Variants in NIPAL2 observed in about 807,000 individuals in gnomAD.
The protein encoded by NIPAL2 is NIPA-like protein 2.
A neutral mutation model predicts 48.9 loss-of-function variants in NIPAL2; 43 were observed. That is an observed-to-expected ratio of 0.88 (90% CI 0.69 to 1.13). The LOEUF (loss-of-function observed/expected upper bound fraction) is 1.13, where lower values mean the gene tolerates loss of function less well. Ranked by LOEUF, NIPAL2 falls within the 50% of genes most tolerant of loss-of-function variation. The pLI is 0.00. For synonymous variants in NIPAL2, 167 were observed against 174.6 expected (o/e 0.96, Z 0.34); for missense variants, 446 against 461.4 (o/e 0.97, Z 0.31).
chr8:98,284,720 G>C (rs1273883852), intron 1 of NIPAL2, among the ~76,000 whole-genome samples: 1 of 152,080 alleles, frequency 6.6e-6, no homozygotes, highest in Non-Finnish European at 1.5e-5. Context: ...AAGACCCCCA[G>C]AATTCACAGG....
intron 5 of NIPAL2, among the ~76,000 whole-genome samples, chr8:98,219,336 G>T (rs1365500063): frequency 6.6e-6 from 1 of 152,176 alleles, no homozygotes. Flanking sequence ...TTTAGAAGAC[G>T]TTGGAAGAGT....
At chr8:98,226,122 G>T (rs957912672) in intron 4 of NIPAL2, among the ~76,000 whole-genome samples, 3 of 151,832 alleles carry the variant, frequency 2.0e-5, no homozygotes, top group African/African-American at 7.3e-5. Flanking sequence ...TCCTTCTCTG[G>T]GTTATCTTGC....
At position 98,194,945 on chromosome 8, in the gene NIPAL2, A is replaced by G. The variant is rs1000288881; in HGVS notation, c.945-123T>C. ...ATTGGTTTTGTTCTTCCAGTTTCTCATGGTAAGCTTCCTAGTACTTGTCTT... is the reference window on the plus strand; with the variant it reads ...ATTGGTTTTGTTCTTCCAGTTTCTCGTGGTAAGCTTCCTAGTACTTGTCTT... On this transcript the variant is annotated intron_variant, in intron 9 of 10. Transcript: ENST00000430223. 33 of 518,834 alleles carry G rather than the reference A, an allele frequency of 6.4e-5. No individual in the cohort carries two copies. The South Asian group carries it at 1.4e-3, about 23-fold the overall frequency. 32.1% of individuals were successfully genotyped at this position (518,834 alleles called of 1,614,324 possible).
chr8:98,201,424 AC>A (rs1314399094), intron 8 of NIPAL2, among the ~76,000 whole-genome samples: 11 of 152,086 alleles, frequency 7.2e-5, no homozygotes, highest in African/African-American at 2.4e-4. Context: ...CGGCTGTGTC[AC>A]CCAGGCTTGA....
chr8:98,210,358 G>C (rs1341128238), intron 6 of NIPAL2, among the ~76,000 whole-genome samples: 1 of 152,136 alleles, frequency 6.6e-6, no homozygotes, highest in East Asian at 1.9e-4. Flanking sequence ...ACTTTGCACA[G>C]CTGCAGTTTA....
intron 1 of NIPAL2, among the ~76,000 whole-genome samples, chr8:98,280,900 A>G (rs1165519416): frequency 6.6e-6 from 1 of 151,410 alleles, no homozygotes; most frequent in Non-Finnish European, 1.5e-5. Flanking sequence ...TAGGTTTAAA[A>G]TTTTCCAAGC....
intron 3 of NIPAL2, among the ~76,000 whole-genome samples, chr8:98,245,979 A>G (rs1279248475): frequency 6.6e-6 from 1 of 152,242 alleles, no homozygotes; most frequent in Non-Finnish European, 1.5e-5. Context: ...ACACTATCAC[A>G]GGCATCCTGT....
chr8:98,294,141 G>A lies in NIPAL2; in HGVS notation c.-4C>T. 1 of 1,406,430 alleles carries A rather than the reference G, an allele frequency of 7.1e-7. No individual in the cohort carries two copies. Among genetic ancestry groups the A allele is most frequent in the African/African-American group, 1.5e-5 (1 of 66,484 alleles). The allele number at this position is 1,406,430 out of a possible 1,614,324, so 87.1% of individuals were successfully genotyped here. On this transcript the variant is annotated 5_prime_UTR_variant, in exon 1 of 11. Transcript: ENST00000430223. Reference sequence around the variant, plus strand: ...CCGCGGGCGCCACCGCTGCCATGAGGTCTCGCTCCCGGCGCTCGGGCTCCG... The same window carrying A: ...CCGCGGGCGCCACCGCTGCCATGAGATCTCGCTCCCGGCGCTCGGGCTCCG...
chr8:98,216,250 G>C (rs1811568530), intron 5 of NIPAL2, among the ~76,000 whole-genome samples: 1 of 152,116 alleles, frequency 6.6e-6, no homozygotes, highest in Non-Finnish European at 1.5e-5. Context: ...TTTGAATTCT[G>C]GCTTTATCAC....
At chr8:98,278,286 T>C (rs1174265204) in intron 1 of NIPAL2, among the ~76,000 whole-genome samples, 1 of 152,172 alleles carries the variant, frequency 6.6e-6, no homozygotes, top group Non-Finnish European at 1.5e-5. Context: ...TATATGTGAT[T>C]TAGGTTTTGT....
intron 3 of NIPAL2, among the ~76,000 whole-genome samples, chr8:98,243,679 G>A (rs1813115980): frequency 6.6e-6 from 1 of 152,178 alleles, no homozygotes; most frequent in South Asian, 2.1e-4. Context: ...TAAATACTTG[G>A]TTTGAGGTTC....
At position 98,283,277 on chromosome 8, in the gene NIPAL2, G is replaced by A. The variant is rs147826499; in HGVS notation, c.135+10726C>T. Reference sequence around the variant, plus strand: ...GTTTTTTCATTTCTGAGAAATGTAAGTCTCAGCAGAGCAAATTTATGGAAA... The same window carrying A: ...GTTTTTTCATTTCTGAGAAATGTAAATCTCAGCAGAGCAAATTTATGGAAA... On this transcript the variant is annotated intron_variant, in intron 1 of 10. Coordinates refer to ENST00000430223, the MANE Select transcript of NIPAL2 (RefSeq NM_001321635.2). Among the ~76,000 whole-genome samples the A allele has an allele frequency of 1.5e-4, 23 of 152,306 alleles. 1 individual carries two copies. Among genetic ancestry groups the A allele is most frequent in the African/African-American group, 5.5e-4 (23 of 41,576 alleles).
chr8:98,260,743 G>T (rs1463897950), intron 1 of NIPAL2, among the ~76,000 whole-genome samples: 3 of 152,266 alleles, frequency 2.0e-5, no homozygotes, highest in Non-Finnish European at 2.9e-5. Context: ...GGTAAACAAA[G>T]CAGCCGGGAA....
intron 4 of NIPAL2, among the ~76,000 whole-genome samples, chr8:98,232,142 A>T (rs1812469541): frequency 6.6e-6 from 1 of 152,178 alleles, no homozygotes; most frequent in Non-Finnish European, 1.5e-5. Flanking sequence ...GACTTCCGTA[A>T]ATATGAAGTG....
intron 1 of NIPAL2, among the ~76,000 whole-genome samples, chr8:98,276,631 CCAAACTGT>C (rs950892855): frequency 3.5e-4 from 53 of 152,054 alleles, no homozygotes; most frequent in African/African-American, 1.1e-3. Context: ...TAAGAAACTG[CCAAACTGT>C]CTTCCAAAGT....
In NIPAL2 at chr8:98,190,029, C is replaced by T. The variant is rs908960516; in HGVS notation, c.*2949G>A. On this transcript the variant is annotated 3_prime_UTR_variant, in exon 11 of 11. Transcript: ENST00000430223. ...GGAATGTGGAATTGGAGAGGCTTTT[C>T]GAATGTAGTTAGTGGTGTTCACAAA... The T allele has an allele frequency of 2.0e-5, 3 of 152,274 alleles. No homozygotes were observed. The highest frequency in any genetic ancestry group is 2.0e-4 in the Admixed American group (3 of 15,290). 9.4% of individuals were successfully genotyped at this position (152,274 alleles called of 1,614,324 possible).
chr8:98,235,795 G>C (rs1812679140), intron 4 of NIPAL2, among the ~76,000 whole-genome samples: 1 of 151,420 alleles, frequency 6.6e-6, no homozygotes, highest in African/African-American at 2.4e-5. Flanking sequence ...GTATTTTAAT[G>C]GGTTATTATA....
At position 98,205,247 on chromosome 8, in the gene NIPAL2, C is replaced by A. The variant is rs1397054487; in HGVS notation, c.656-1G>T. 6.3e-7 allele frequency: 1 copy of A among 1,598,548 alleles called. No homozygotes were observed. The highest frequency in any genetic ancestry group is 8.5e-7 in the Non-Finnish European group (1 of 1,175,850). ...TTTACTGAAATAACAGTCAATGAGGCTGAAAAAGAAAACAAAAAACACAAA... is the reference window on the plus strand; with the variant it reads ...TTTACTGAAATAACAGTCAATGAGGATGAAAAAGAAAACAAAAAACACAAA... On this transcript the variant is annotated splice_acceptor_variant, in intron 6 of 10. Transcript: ENST00000430223. LOFTEE classifies it high-confidence loss of function.
chr8:98,219,419 A>C lies in NIPAL2; in HGVS notation c.558+3060T>G, dbSNP rs1246717626. Among the ~76,000 whole-genome samples the C allele has an allele frequency of 3.3e-5, 5 of 152,152 alleles. No individual in the cohort carries two copies. In the East Asian group the frequency reaches 9.6e-4, roughly 29 times the overall value. ...GCCTGGCATGGATTAGTCAGAGAGG[A>C]AGAAGAGAGACAGGGAAAACATTTG... On this transcript the variant is annotated intron_variant, in intron 5 of 10. Transcript: ENST00000430223.
Sources: gnomAD v4.1 joint callset for allele counts (sites outside exome capture counted in the v4.1 genomes callset) on GRCh38, gnomAD v4.1.1 for gene constraint, MANE v1.5 for transcripts, NCBI Gene and HGNC (gene_info 2026-07-23, HGNC 2026-07-21) for gene names.